Variants in MCM4 observed in about 807,000 individuals in gnomAD.
MCM4 encodes the protein DNA replication licensing factor MCM4.
A neutral mutation model predicts 88.7 loss-of-function variants in MCM4; 60 were observed. That is an observed-to-expected ratio of 0.68 (90% confidence interval 0.55 to 0.84). The LOEUF is 0.84. Among genes scored for constraint, MCM4 ranks in the 40% least tolerant of loss-of-function variants. The probability of loss-of-function intolerance (pLI) is 0.00; values close to 1 mark genes in which losing one functional copy is unlikely to be tolerated. For synonymous variants in MCM4, 465 were observed against 410.5 expected (o/e 1.13, Z -1.61); for missense variants, 1,149 against 1,105.5 (o/e 1.04, Z -0.56).
Position 47,960,968 on chromosome 8 carries a change from G to A in MCM4, c.-61G>A. 1.7e-6 allele frequency: 1 copy of A among 603,212 alleles called. No homozygotes were observed. Among genetic ancestry groups the A allele is most frequent in the Non-Finnish European group, 2.6e-6 (1 of 378,900 alleles). The allele number at this position is 603,212 out of a possible 1,614,324, so 37.4% of individuals were successfully genotyped here. Reference sequence around the variant, plus strand: ...GGTTTGGGAGCGCTACTCGCCAGGTGGACTCGGAGTCCGCGAGCGTCGTCG... The same window carrying A: ...GGTTTGGGAGCGCTACTCGCCAGGTAGACTCGGAGTCCGCGAGCGTCGTCG... On this transcript the variant is annotated 5_prime_UTR_variant, in exon 1 of 17. Transcript: ENST00000649973.
intron 11 of MCM4, 114 bp downstream of exon 11, chr8:47,970,171 G>A (rs2090939575): frequency 2.4e-6 from 3 of 1,226,806 alleles, no homozygotes; most frequent in African/African-American, 3.0e-5. Context: ...GTTGTGGCCT[G>A]TTAGAGCAAG....
At chr8:47,972,133 G>A (rs2090958232) in intron 13 of MCM4, among the ~76,000 whole-genome samples, 1 of 151,136 alleles carries the variant, frequency 6.6e-6, no homozygotes, top group African/African-American at 2.4e-5. Context: ...TCGGGAGGCT[G>A]AGGAGGCACA....
intron 9 of MCM4, 30 bp downstream of exon 9, chr8:47,966,437 T>C (rs369286380): frequency 6.4e-7 from 1 of 1,569,316 alleles, no homozygotes; most frequent in African/African-American, 1.4e-5. Context: ...CCCCAGGCTA[T>C]GCTTTGCCTG....
chr8:47,963,898 A>AAATT (rs2090872130), intron 7 of MCM4, among the ~76,000 whole-genome samples: 1 of 152,218 alleles, frequency 6.6e-6, no homozygotes, highest in African/African-American at 2.4e-5. Context: ...TGGGAACCAT[A>AAATT]TGTTAAGAAA....
chr8:47,973,466 A>G (rs2090973878), intron 14 of MCM4, among the ~76,000 whole-genome samples: 1 of 150,070 alleles, frequency 6.7e-6, no homozygotes, highest in South Asian at 2.1e-4. Flanking sequence ...GCAAGCCACC[A>G]TGCTGGGCCT....
rs1411638974 is a variant in MCM4 at position 47,969,910 on chromosome 8, G to A, written c.1287G>A (p.Leu429=). 6.2e-7 allele frequency: 1 copy of A among 1,614,212 alleles called. No homozygotes were observed. Among genetic ancestry groups the A allele is most frequent in the Non-Finnish European group, 8.5e-7 (1 of 1,180,042 alleles). Residue 429 remains leucine, a synonymous_variant, in exon 11 of 17, where the codon CTG becomes CTA. Transcript: ENST00000649973. ...IHYRKTDAKR[L]HGLDEEAEQK... is the part of the protein sequence containing the mutation. ...ATCGGAAAACGGATGCAAAACGTCT[G>A]CATGGCCTTGATGAAGAAGCAGAAC... is the stretch of plus-strand genomic sequence containing the variant.
chr8:47,971,161 G>A (rs1161409530), intron 12 of MCM4, among the ~76,000 whole-genome samples, 180 bp from the exon 13 acceptor site: 1 of 152,166 alleles, frequency 6.6e-6, no homozygotes. Context: ...TCAGTCCTTG[G>A]CATGAATCTG....
chr8:47,964,474 A>G (rs879186368), intron 7 of MCM4, 100 bp from the exon 8 acceptor site: 7 of 863,864 alleles, frequency 8.1e-6, no homozygotes, highest in South Asian at 3.8e-5. Context: ...CTTTGGGGAC[A>G]TGACATGTTG....
At chr8:47,975,889 C>T (rs376074031) in intron 16 of MCM4, 41 bp downstream of exon 16, 1 of 1,395,492 alleles carries the variant, frequency 7.2e-7, no homozygotes, top group Non-Finnish European at 9.4e-7. Context: ...AGAGCTTTCT[C>T]TTTTTCCTTA....
In MCM4 at chr8:47,962,219, G is replaced by A. The variant is rs1563830539; in HGVS notation, c.399+3G>A. 4 of 1,614,160 alleles carry A rather than the reference G, an allele frequency of 2.5e-6. No homozygotes were observed. The highest frequency in any genetic ancestry group is 3.4e-6 in the Non-Finnish European group (4 of 1,180,022). On this transcript the variant is annotated splice_donor_region_variant and intron_variant, in intron 4 of 16. Coordinates refer to ENST00000649973, the MANE Select transcript of MCM4 (RefSeq NM_182746.3). The stretch of plus-strand genomic sequence containing the variant: ...AAGTGGATCTGCAGTCTGACGGGGT[G>A]AGTATGCAGTCTCCTGAAACCATCT...
rs927538791 is a variant in MCM4, at chr8:47,966,328, C to G, written c.974C>G (p.Pro325Arg). ...ATGGACCGCGGCCGCATTGCAGAGCCCAGTGTGTGCGGGCGCTGCCACACC... is the reference window on the plus strand; with the variant it reads ...ATGGACCGCGGCCGCATTGCAGAGCGCAGTGTGTGCGGGCGCTGCCACACC... ...VEMDRGRIAEPSVCGRCHTTH... is the reference protein window; with the variant it reads ...VEMDRGRIAERSVCGRCHTTH... The change falls in exon 9 of 17, where the codon CCC becomes CGC. Residue 325 changes from proline to arginine, a missense_variant. Pro to Arg is a moderately radical substitution (Grantham distance 103). This residue lies in a region of MCM4 where 906 missense variants were observed against 843.0 expected (regional missense o/e 1.07). Transcript: ENST00000649973. 6.2e-7 allele frequency: 1 copy of G among 1,613,988 alleles called. No homozygotes were observed. The highest frequency in any genetic ancestry group is 8.5e-7 in the Non-Finnish European group (1 of 1,180,040).
In MCM4 at chr8:47,962,950, T is replaced by C. The variant is rs757269288; in HGVS notation, c.603T>C (p.Asn201=). The stretch of plus-strand genomic sequence containing the variant: ...TGTTCATTTTTATTTTCTAGATTAA[T>C]GTTATTGGTGAGCCATTTTTAAATG... ...PLYMQRLGEI[N]VIGEPFLNVN... The change falls in exon 7 of 17, where the codon AAT becomes AAC. Residue 201 remains asparagine (N), a synonymous_variant. Coordinates refer to ENST00000649973, the MANE Select transcript of MCM4 (RefSeq NM_182746.3). 1.3e-5 allele frequency: 21 copies of C among 1,594,836 alleles called. No individual in the cohort carries two copies. The highest frequency in any genetic ancestry group is 1.7e-5 in the Non-Finnish European group (20 of 1,172,010).
At chr8:47,961,075 A>G in intron 1 of MCM4, 56 bp from the exon 2 acceptor site, 1 of 1,462,164 alleles carries the variant, frequency 6.8e-7, no homozygotes, top group Admixed American at 2.2e-5. Context: ...CGCGCTGCGG[A>G]GCAGGGCAGG....
At chr8:47,962,552 G>GTACT (rs2090854350) in intron 5 of MCM4, 146 bp downstream of exon 5, 5 of 842,054 alleles carry the variant, frequency 5.9e-6, no homozygotes, top group Non-Finnish European at 9.2e-6. Context: ...GGGAGGCCAA[G>GTACT]GTGGGAGGAT....
Position 47,961,700 on chromosome 8 carries a change from G to A in MCM4, c.235+20G>A. 1 of 1,591,216 alleles carries A rather than the reference G, an allele frequency of 6.3e-7. No individual in the cohort carries two copies. The highest frequency in any genetic ancestry group is 8.6e-7 in the Non-Finnish European group (1 of 1,167,382). On this transcript the variant is annotated intron_variant, in intron 3 of 16. Transcript: ENST00000649973. ...CTTCAGGTGCGTGTCTGAAGATCTT[G>A]GTTTTGCTGTGCTTGATACACAGCT...
At chr8:47,971,592 T>A (rs113085095) in intron 13 of MCM4, 124 bp downstream of exon 13, 8 of 1,102,790 alleles carry the variant, frequency 7.3e-6, no homozygotes, top group African/African-American at 3.1e-5. Flanking sequence ...GTTTCAAATT[T>A]GGTTGGTCAA....
rs1482631581 is a variant in MCM4, at chr8:47,977,657, C to T, written c.*879C>T. On this transcript the variant is annotated 3_prime_UTR_variant, in exon 17 of 17. Coordinates refer to ENST00000649973, the MANE Select transcript of MCM4 (RefSeq NM_182746.3). ...TATTTTTTGGTAGAGACGGCTTCGC[C>T]ACGTTGCCCAGGCTGCAAGCGATAT... is the stretch of plus-strand genomic sequence containing the variant. 6.6e-6 allele frequency: 1 copy of T among 152,242 alleles called. No homozygotes were observed. The highest frequency in any genetic ancestry group is 6.5e-5 in the Admixed American group (1 of 15,272). 9.4% of individuals were successfully genotyped at this position (152,242 alleles called of 1,614,324 possible).
Position 47,964,726 on chromosome 8 carries a change from C to T in MCM4, c.832+14C>T, listed in dbSNP as rs1394017028. On this transcript the variant is annotated intron_variant, in intron 8 of 16. Coordinates refer to ENST00000649973, the MANE Select transcript of MCM4 (RefSeq NM_182746.3). ...TGAATCCAGAAGGTAATGTATTTTT[C>T]ATAGGATTACTTTTGTTGAAGGAAA... The T allele has an allele frequency of 7.2e-6, 11 of 1,535,520 alleles. No homozygotes were observed. Among genetic ancestry groups the T allele is most frequent in the Non-Finnish European group, 9.6e-6 (11 of 1,145,086 alleles).
rs1375594725 is a variant in MCM4, at chr8:47,966,290, G to A, written c.936G>A (p.Thr312=). Reference sequence around the variant, plus strand: ...TCCAGTGCCAAGTGTGTGCCCACACGACCCGGGTGGAGATGGACCGCGGCC... The same window carrying A: ...TCCAGTGCCAAGTGTGTGCCCACACAACCCGGGTGGAGATGGACCGCGGCC... ...AFFQCQVCAH[T]TRVEMDRGRI... The change falls in exon 9 of 17, where the codon ACG becomes ACA. Residue 312 remains threonine, a synonymous_variant. Transcript: ENST00000649973. 10 of 1,614,018 alleles carry A rather than the reference G, an allele frequency of 6.2e-6. No homozygotes were observed. Among genetic ancestry groups the A allele is most frequent in the Middle Eastern group, 1.6e-4 (1 of 6,062 alleles).
Sources: gnomAD v4.1 joint callset for allele counts (sites outside exome capture counted in the v4.1 genomes callset) on GRCh38, gnomAD v4.1.1 for gene constraint, gnomAD v4.1.1 regional missense constraint, MANE v1.5 for transcripts, NCBI Gene and HGNC (gene_info 2026-07-23, HGNC 2026-07-21) for gene names.